The following SDK2 variants were observed in gnomAD, a reference collection of about 807,000 sequenced individuals.
SDK2 encodes the protein sidekick cell adhesion molecule 2, also known as protein sidekick-2.
Under a neutral mutation model 253.9 loss-of-function variants are expected in SDK2, and 105 were observed. The ratio of observed to expected loss-of-function variants is 0.41; its 90% CI spans 0.35 to 0.49. The LOEUF (loss-of-function observed/expected upper bound fraction) is 0.49, where lower values mean the gene tolerates loss of function less well. SDK2 is among the 20% of genes least tolerant of loss of function. SDK2 has a pLI of 0.06. For synonymous variants in SDK2, 1,249 were observed against 1,234.9 expected (o/e 1.01, Z -0.24); for missense variants, 2,608 against 3,003.0 (o/e 0.87, Z 3.07).
chr17:73,422,444 C>G lies in SDK2; in HGVS notation c.1898-10G>C. 1 of 1,613,396 alleles carries G rather than the reference C, an allele frequency of 6.2e-7. No homozygotes were observed. Among genetic ancestry groups the G allele is most frequent in the Non-Finnish European group, 8.5e-7 (1 of 1,179,494 alleles). ...ACAGTCCAGGGGGCATCTGCAGGGA[C>G]AGTGAGTGGGGCAGAAGTGGGTATC... On this transcript the variant is annotated splice_polypyrimidine_tract_variant and intron_variant, in intron 14 of 44. Transcript: ENST00000392650.
At chr17:73,390,575 T>G in intron 28 of SDK2, 94 bp from the exon 29 acceptor site, 1 of 1,288,530 alleles carries the variant, frequency 7.8e-7, no homozygotes, top group Non-Finnish European at 1.1e-6. Context: ...CACAGCTGTG[T>G]CTGTACATGG....
intron 1 of SDK2, among the ~76,000 whole-genome samples, chr17:73,545,376 G>C (rs1024170622): frequency 6.6e-6 from 1 of 152,016 alleles, no homozygotes; most frequent in African/African-American, 2.4e-5. Flanking sequence ...TGATTGTGTC[G>C]CCACCTCAGT....
Position 73,435,480 on chromosome 17 carries a change from C to T in SDK2, c.1165G>A (p.Val389Met), listed in dbSNP as rs1348721953. 2.5e-6 allele frequency: 4 copies of T among 1,598,068 alleles called. No homozygotes were observed. The highest frequency in any genetic ancestry group is 1.7e-5 in the Admixed American group (1 of 58,088). Reference sequence around the variant, plus strand: ...ACAGCCAGGTAGGTGGAAGTTTGCACCTCGCCGGCTGCATTGCGGGCGAAG... The same window carrying T: ...ACAGCCAGGTAGGTGGAAGTTTGCATCTCGCCGGCTGCATTGCGGGCGAAG... Reference protein sequence around the residue: ...QCFARNAAGEVQTSTYLAVTS... With the variant: ...QCFARNAAGEMQTSTYLAVTS... Residue 389 changes from valine (V) to methionine (M), a missense_variant, in exon 9 of 45, where the codon GTG becomes ATG. Val to Met is a conservative substitution (Grantham distance 21). This residue lies in a region of SDK2 where 1,505 missense variants were observed against 1,859.1 expected (regional missense o/e 0.81). Coordinates refer to ENST00000392650, the MANE Select transcript of SDK2 (RefSeq NM_001144952.2). The surrounding 1 kb of genome is among the most constrained non-coding windows in gnomAD (Gnocchi z 5.7).
intron 1 of SDK2, among the ~76,000 whole-genome samples, chr17:73,540,268 A>G (rs2044847042): frequency 1.3e-5 from 2 of 152,204 alleles, no homozygotes; most frequent in African/African-American, 4.8e-5. Context: ...GCATGGCAAT[A>G]GAGTCTATTT....
chr17:73,424,242 CGGGACACTGTTGA>C (rs2063260958), intron 12 of SDK2, 150 bp from the exon 13 acceptor site: 1 of 657,314 alleles, frequency 1.5e-6, no homozygotes, highest in South Asian at 1.9e-5. Flanking sequence ...GATCGGGGAG[CGGGACACTGTTGA>C]AGGCCAAACA....
intron 1 of SDK2, among the ~76,000 whole-genome samples, chr17:73,537,476 C>A (rs1356252499): frequency 6.6e-6 from 1 of 152,132 alleles, no homozygotes; most frequent in East Asian, 1.9e-4. Flanking sequence ...ATTGACCCAG[C>A]TCATAAGGGC....
chr17:73,545,265 C>T (rs560286615), intron 1 of SDK2, among the ~76,000 whole-genome samples: 87 of 152,234 alleles, frequency 5.7e-4, no homozygotes, highest in African/African-American at 2.0e-3. Context: ...CTCAACCCCG[C>T]CCTGCTTCTT....
At chr17:73,607,994 T>C (rs1451709593) in intron 1 of SDK2, among the ~76,000 whole-genome samples, 1 of 152,100 alleles carries the variant, frequency 6.6e-6, no homozygotes, top group African/African-American at 2.4e-5. Context: ...GGTACATTTG[T>C]CACAACCAAG....
chr17:73,630,490 T>G (rs2046255300), intron 1 of SDK2, among the ~76,000 whole-genome samples: 1 of 128,350 alleles, frequency 7.8e-6, no homozygotes, highest in Admixed American at 8.0e-5. Context: ...AACCCCCAGG[T>G]TCCCCCAGGG....
chr17:73,615,831 C>T (rs2046046223), intron 1 of SDK2, among the ~76,000 whole-genome samples: 1 of 152,128 alleles, frequency 6.6e-6, no homozygotes, highest in Admixed American at 6.5e-5. Context: ...TAAACATATA[C>T]ACAAATACAC....
At chr17:73,369,796 C>A (rs1568369104) in intron 36 of SDK2, among the ~76,000 whole-genome samples, 1 of 152,170 alleles carries the variant, frequency 6.6e-6, no homozygotes, top group Non-Finnish European at 1.5e-5. Context: ...CAGGCACCCG[C>A]CACCACGCCC....
In SDK2 at chr17:73,590,642, G is replaced by A. The variant is rs79370847; in HGVS notation, c.64+53383C>T. On this transcript the variant is annotated intron_variant, in intron 1 of 44. Transcript: ENST00000392650. ...TTCTGAGGTGGGGAATCTGGGCATG[G>A]CCAACCCGGAGAGTCACTCCTTGTC... Among the ~76,000 whole-genome samples, 137 of 152,314 alleles carry A rather than the reference G, an allele frequency of 9.0e-4. 4 individuals carry two copies. In the East Asian group the frequency reaches 0.021, roughly 23 times the overall value.
At chr17:73,606,556 T>A (rs747415371) in intron 1 of SDK2, among the ~76,000 whole-genome samples, 1 of 152,210 alleles carries the variant, frequency 6.6e-6, no homozygotes, top group Non-Finnish European at 1.5e-5. Flanking sequence ...AAGGCGGGTT[T>A]CACCGTTTCT....
In SDK2 at chr17:73,388,049, C is replaced by G. The variant is rs1158065237; in HGVS notation, c.4193-12G>C. The G allele has an allele frequency of 1.3e-6, 2 of 1,557,750 alleles. No homozygotes were observed. The highest frequency in any genetic ancestry group is 1.9e-5 in the Admixed American group (1 of 52,010). On this transcript the variant is annotated splice_polypyrimidine_tract_variant and intron_variant, in intron 29 of 44. Transcript: ENST00000392650. ...GGGCTGCGGACGGTCTGGGAGGTGG[C>G]AGAGGGGGAGGAGCAGGTGAGTGGG...
intron 18 of SDK2, among the ~76,000 whole-genome samples, chr17:73,403,414 A>T (rs957017547): frequency 6.6e-6 from 1 of 151,926 alleles, no homozygotes; most frequent in African/African-American, 2.4e-5. Flanking sequence ...TGCAGATCAC[A>T]CCTGGCCCCC....
chr17:73,552,897 C>T (rs146786287), intron 1 of SDK2, among the ~76,000 whole-genome samples: 111 of 152,388 alleles, frequency 7.3e-4, no homozygotes, highest in Non-Finnish European at 8.5e-4. Flanking sequence ...CCCTGAGCCT[C>T]TGGCTGGCGC....
intron 4 of SDK2, among the ~76,000 whole-genome samples, chr17:73,452,618 T>C (rs908681986): frequency 2.0e-5 from 3 of 151,774 alleles, no homozygotes; most frequent in Non-Finnish European, 4.4e-5. Flanking sequence ...TGGGAGTAGG[T>C]TGTAGAAAGG....
Position 73,350,701 on chromosome 17 carries a change from C to A in SDK2, c.5848G>T (p.Val1950Leu), listed in dbSNP as rs980554263. 3.1e-6 allele frequency: 5 copies of A among 1,613,588 alleles called. No individual in the cohort carries two copies. In the Admixed American group the frequency reaches 6.7e-5, roughly 22 times the overall value. Residue 1950 changes from valine (V) to leucine (L), a missense_variant, in exon 42 of 45, where the codon GTG becomes TTG. This residue lies in a region of SDK2 where 1,103 missense variants were observed against 1,143.9 expected (regional missense o/e 0.96). Coordinates refer to ENST00000392650, the MANE Select transcript of SDK2 (RefSeq NM_001144952.2). Reference protein sequence around the residue: ...GLIFILLLVFVLIIRGQSKKY... With the variant: ...GLIFILLLVFLLIIRGQSKKY... The stretch of plus-strand genomic sequence containing the variant: ...TTGCTCTGGCCCCGGATGATGAGCA[C>A]GAAGACCAGAAGCAGGATGAAGATG...
chr17:73,378,369 G>C (rs111386837), intron 36 of SDK2, among the ~76,000 whole-genome samples: 14,497 of 150,210 alleles, frequency 0.097, 2,106 homozygotes, highest in African/African-American at 0.32. Flanking sequence ...CCTAAAGTGC[G>C]GGAATTACAG....
Sources: allele counts gnomAD v4.1 joint callset (sites outside exome capture counted in the v4.1 genomes callset), GRCh38; gene constraint gnomAD v4.1.1; regional missense constraint gnomAD v4.1.1; non-coding constraint Gnocchi (gnomAD v3.1); transcripts MANE v1.5; gene names NCBI Gene and HGNC (gene_info 2026-07-23, HGNC 2026-07-21).